APP: variants seen among roughly 807,000 people sequenced by gnomAD.
APP encodes amyloid-beta precursor protein.
Under a neutral mutation model 101.4 loss-of-function variants are expected in APP, and 31 were observed. The ratio of observed to expected loss-of-function variants is 0.31; its 90% CI spans 0.23 to 0.41. The LOEUF is 0.41. Ranked by LOEUF, APP falls within the 10% of genes least tolerant of loss-of-function variation. The pLI, the probability that APP is intolerant of heterozygous loss-of-function variation, is 1.00. For missense variants in APP, 839 were observed against 1,003.7 expected (o/e 0.84, Z 2.22); for synonymous variants, 366 against 364.4 (o/e 1.00, Z -0.05).
chr21:26,001,818 AT>A (rs1422631493), intron 6 of APP, among the ~76,000 whole-genome samples: 2 of 152,274 alleles, frequency 1.3e-5, no homozygotes, highest in Non-Finnish European at 2.9e-5. Context: ...ATTGATTCTA[AT>A]TAGCCAATCA....
chr21:25,955,246 G>A (rs2041264279), intron 12 of APP, among the ~76,000 whole-genome samples: 1 of 151,832 alleles, frequency 6.6e-6, no homozygotes, highest in African/African-American at 2.4e-5. Flanking sequence ...ATTATTACTG[G>A]GCTTCATTTA....
chr21:26,026,488 G>A (rs1601251178), intron 5 of APP, among the ~76,000 whole-genome samples: 1 of 152,196 alleles, frequency 6.6e-6, no homozygotes, highest in African/African-American at 2.4e-5. Context: ...AACTAAAGCT[G>A]ACCTTGATAT....
intron 16 of APP, 134 bp from the exon 17 acceptor site, chr21:25,892,002 A>T: frequency 1.2e-6 from 1 of 823,380 alleles, no homozygotes; most frequent in Non-Finnish European, 1.9e-6. Flanking sequence ...AAGTTTCAGT[A>T]TATTCTCTGC....
chr21:25,950,604 A>C (rs572889559), intron 13 of APP, among the ~76,000 whole-genome samples: 1 of 150,018 alleles, frequency 6.7e-6, no homozygotes, highest in Non-Finnish European at 1.5e-5. Flanking sequence ...CTGGTCTTGA[A>C]CTCCTGACCT....
chr21:26,096,627 C>G (rs183703980), intron 2 of APP, among the ~76,000 whole-genome samples: 98 of 152,228 alleles, frequency 6.4e-4, no homozygotes, highest in African/African-American at 2.2e-3. Context: ...CATGTCAACA[C>G]CCATGGGTGC....
intron 1 of APP, among the ~76,000 whole-genome samples, chr21:26,166,906 A>AGAG (rs1569055925): frequency 0.036 from 1,362 of 38,004 alleles, 31 homozygotes; most frequent in African/African-American, 0.12. Context: ...GAGAGAGAGA[A>AGAG]AGAGAGAGAA....
At chr21:26,153,912 A>G (rs933418925) in intron 1 of APP, among the ~76,000 whole-genome samples, 7 of 152,232 alleles carry the variant, frequency 4.6e-5, no homozygotes, top group East Asian at 1.9e-4. Context: ...TCAGGAATGA[A>G]ATGAAAAATA....
At chr21:25,918,587 G>A (rs1188823297) in intron 13 of APP, among the ~76,000 whole-genome samples, 1 of 152,118 alleles carries the variant, frequency 6.6e-6, no homozygotes, top group Middle Eastern at 3.4e-3. Flanking sequence ...AGGGGTCAGG[G>A]AGTTCCCTTT....
intron 13 of APP, among the ~76,000 whole-genome samples, chr21:25,936,108 C>G (rs1285110550): frequency 6.6e-6 from 1 of 152,172 alleles, no homozygotes; most frequent in Non-Finnish European, 1.5e-5. Flanking sequence ...AATAAGCCAA[C>G]TGCTATGGAT....
chr21:26,062,073 G>A (rs1295294892), intron 3 of APP, among the ~76,000 whole-genome samples: 2 of 152,076 alleles, frequency 1.3e-5, no homozygotes. Flanking sequence ...AGCTGAGCAT[G>A]TTGGCGCGCA....
intron 1 of APP, chr21:26,140,447 G>C (rs1159876085): frequency 3.6e-6 from 4 of 1,126,030 alleles, no homozygotes; most frequent in Non-Finnish European, 4.8e-6. Flanking sequence ...GACAACCAAA[G>C]CCTCCGGAAC....
intron 1 of APP, among the ~76,000 whole-genome samples, chr21:26,152,507 G>A (rs2830095): frequency 0.36 from 55,061 of 151,684 alleles, 10,819 homozygotes; most frequent in African/African-American, 0.53. Context: ...GATCTAAAAC[G>A]TAATCTATAG....
intron 5 of APP, among the ~76,000 whole-genome samples, chr21:26,045,034 T>C (rs2045546200): frequency 6.6e-6 from 1 of 152,138 alleles, no homozygotes; most frequent in Admixed American, 6.5e-5. Flanking sequence ...ATTTATTTGA[T>C]ACCATTAGGA....
At chr21:25,958,781 C>T (rs917976845) in intron 11 of APP, among the ~76,000 whole-genome samples, 3 of 152,142 alleles carry the variant, frequency 2.0e-5, no homozygotes, top group African/African-American at 4.8e-5. Flanking sequence ...TATAAATCAT[C>T]GACCCCTTTC....
At chr21:26,006,611 C>T (rs1315827539) in intron 6 of APP, among the ~76,000 whole-genome samples, 1 of 152,136 alleles carries the variant, frequency 6.6e-6, no homozygotes, top group Non-Finnish European at 1.5e-5. Context: ...AAAAATAATG[C>T]TCAACCACAA....
Position 26,105,701 on chromosome 21 carries a change from C to A in APP, c.225+6278G>T, listed in dbSNP as rs2062168480. Among the ~76,000 whole-genome samples the A allele has an allele frequency of 2.0e-5, 3 of 152,238 alleles. No individual in the cohort carries two copies. In the South Asian group the frequency reaches 6.2e-4, roughly 32 times the overall value. ...AGAATGTTCTAGAGAATTCAAGATG[C>A]ACAATTTGAAAGAAAATGTCAACAC... On this transcript the variant is annotated intron_variant, in intron 2 of 17. Transcript: ENST00000346798.
intron 5 of APP, among the ~76,000 whole-genome samples, chr21:26,029,596 A>C (rs1033499804): frequency 6.6e-6 from 1 of 152,100 alleles, no homozygotes; most frequent in Non-Finnish European, 1.5e-5. Flanking sequence ...GAGCATGTGC[A>C]AAGGCCCGGT....
At chr21:25,963,928 C>G (rs2041686942) in intron 11 of APP, among the ~76,000 whole-genome samples, 1 of 152,110 alleles carries the variant, frequency 6.6e-6, no homozygotes, top group South Asian at 2.1e-4. Flanking sequence ...AAATGATAAT[C>G]CCATGCCAAG....
intron 6 of APP, among the ~76,000 whole-genome samples, chr21:26,009,425 AAGACTATTGAAATACC>A (rs1049673977): frequency 3.9e-5 from 6 of 152,156 alleles, no homozygotes; most frequent in Non-Finnish European, 7.4e-5. Context: ...TACTCATATT[AAGACTATTGAAATACC>A]AGACTTCTTA....
Sources: gnomAD v4.1 joint callset for allele counts (sites outside exome capture counted in the v4.1 genomes callset) on GRCh38, gnomAD v4.1.1 for gene constraint, MANE v1.5 for transcripts, NCBI Gene and HGNC (gene_info 2026-07-23, HGNC 2026-07-21) for gene names.